Variants in PPP2R5E observed in about 807,000 individuals in gnomAD.
PPP2R5E encodes the protein serine/threonine-protein phosphatase 2A 56 kDa regulatory subunit epsilon isoform.
Under a neutral mutation model 65.3 loss-of-function variants are expected in PPP2R5E, and 4 were observed. That is an observed-to-expected ratio of 0.06 (90% confidence interval 0.03 to 0.14). The LOEUF (loss-of-function observed/expected upper bound fraction) is 0.14. Ranked by LOEUF, PPP2R5E falls within the 10% of genes least tolerant of loss-of-function variation. PPP2R5E has a pLI of 1.00. For missense variants in PPP2R5E, 274 were observed against 556.1 expected (o/e 0.49, Z 5.10); for synonymous variants, 183 against 187.4 (o/e 0.98, Z 0.19).
chr14:63,447,125 G>A (rs1888524292), intron 3 of PPP2R5E, among the ~76,000 whole-genome samples: 1 of 152,130 alleles, frequency 6.6e-6, no homozygotes, highest in Non-Finnish European at 1.5e-5. Flanking sequence ...AATGAGCACT[G>A]GCTTCAACTT....
intron 13 of PPP2R5E, among the ~76,000 whole-genome samples, chr14:63,379,090 G>A (rs1884161485): frequency 6.6e-6 from 1 of 151,218 alleles, no homozygotes; most frequent in East Asian, 2.0e-4. Context: ...GTGCAGTGGT[G>A]TAATCTCGGC....
At chr14:63,413,737 C>T (rs1886532918) in intron 5 of PPP2R5E, among the ~76,000 whole-genome samples, 1 of 152,174 alleles carries the variant, frequency 6.6e-6, no homozygotes, top group Admixed American at 6.5e-5. Flanking sequence ...GCTTCCCTGG[C>T]ATAACAATCC....
At chr14:63,403,903 T>C (rs1451540172) in intron 5 of PPP2R5E, among the ~76,000 whole-genome samples, 3 of 152,182 alleles carry the variant, frequency 2.0e-5, no homozygotes, top group Admixed American at 6.5e-5. Flanking sequence ...TTTTGTGATA[T>C]AACAAATGTA....
intron 3 of PPP2R5E, among the ~76,000 whole-genome samples, chr14:63,430,401 G>GCATACATACATACATGCATACATA (rs1887603795): frequency 1.4e-5 from 2 of 143,738 alleles, no homozygotes; most frequent in African/African-American, 5.6e-5. Context: ...ATACATACAT[G>GCATACATACATACATGCATACATA]CATACATACA....
At chr14:63,393,581 G>T (rs1239502237) in intron 8 of PPP2R5E, among the ~76,000 whole-genome samples, 1 of 152,032 alleles carries the variant, frequency 6.6e-6, no homozygotes, top group Non-Finnish European at 1.5e-5. Flanking sequence ...GCATGGTGGC[G>T]TGCGCTTGTA....
chr14:63,511,194 C>T (rs1892438587), intron 2 of PPP2R5E, among the ~76,000 whole-genome samples: 1 of 152,214 alleles, frequency 6.6e-6, no homozygotes, highest in Non-Finnish European at 1.5e-5. Context: ...CAATAGCAAA[C>T]ATGATGCAGA....
intron 2 of PPP2R5E, among the ~76,000 whole-genome samples, chr14:63,503,283 C>T (rs1891987851): frequency 6.6e-6 from 1 of 152,050 alleles, no homozygotes; most frequent in Non-Finnish European, 1.5e-5. Context: ...GACGAATTTC[C>T]ATCTTAGGAG....
intron 3 of PPP2R5E, among the ~76,000 whole-genome samples, chr14:63,435,217 C>G (rs1264551218): frequency 1.3e-5 from 2 of 151,632 alleles, no homozygotes; most frequent in Non-Finnish European, 2.9e-5. Flanking sequence ...ATCTGTTCTT[C>G]AAATTTTATT....
At chr14:63,504,693 G>T (rs962700691) in intron 2 of PPP2R5E, among the ~76,000 whole-genome samples, 1 of 152,062 alleles carries the variant, frequency 6.6e-6, no homozygotes, top group Non-Finnish European at 1.5e-5. Context: ...GTCTAACTGG[G>T]GAGAGAAAAC....
At chr14:63,430,763 C>T (rs956018777) in intron 3 of PPP2R5E, among the ~76,000 whole-genome samples, 3 of 152,116 alleles carry the variant, frequency 2.0e-5, no homozygotes, top group African/African-American at 2.4e-5. Flanking sequence ...TTTCAATTAC[C>T]GCTTAATTTA....
chr14:63,526,386 T>C (rs1893185713), intron 2 of PPP2R5E, among the ~76,000 whole-genome samples: 1 of 152,192 alleles, frequency 6.6e-6, no homozygotes. Flanking sequence ...TTTGTATATG[T>C]TTTAATGTTG....
intron 2 of PPP2R5E, among the ~76,000 whole-genome samples, chr14:63,513,030 CA>C (rs577040193): frequency 3.9e-5 from 6 of 151,972 alleles, no homozygotes; most frequent in South Asian, 4.2e-4. Context: ...CAACAACAAC[CA>C]AAAAACCCCA....
At chr14:63,388,461 A>T (rs1455802715) in intron 11 of PPP2R5E, among the ~76,000 whole-genome samples, 1 of 152,156 alleles carries the variant, frequency 6.6e-6, no homozygotes, top group African/African-American at 2.4e-5. Flanking sequence ...TTTTAAAAAA[A>T]TACTTGTTCC....
chr14:63,468,388 G>C (rs1889945195), intron 2 of PPP2R5E, among the ~76,000 whole-genome samples: 2 of 152,178 alleles, frequency 1.3e-5, no homozygotes, highest in South Asian at 4.1e-4. Flanking sequence ...ATAATACCCA[G>C]TGAAATAACT....
chr14:63,399,716 T>C (rs1223218087), intron 5 of PPP2R5E, among the ~76,000 whole-genome samples: 5 of 152,162 alleles, frequency 3.3e-5, no homozygotes, highest in Non-Finnish European at 7.3e-5. Flanking sequence ...ACTTGGAAAT[T>C]GGTTTGAATG....
Position 63,470,142 on chromosome 14 carries a change from G to T in PPP2R5E, c.158-16257C>A, listed in dbSNP as rs1298754343. On this transcript the variant is annotated intron_variant, in intron 2 of 13. Transcript: ENST00000337537. ...GCTAGAGTGCAGTGGCACAGTCACA[G>T]CACACTGTAGCCTCGACCTCCCTGG... Among the ~76,000 whole-genome samples the T allele has an allele frequency of 2.0e-5, 3 of 152,006 alleles. No individual in the cohort carries two copies. The East Asian group carries it at 5.8e-4, about 29-fold the overall frequency.
chr14:63,455,662 A>C (rs1889079988), intron 2 of PPP2R5E, among the ~76,000 whole-genome samples: 1 of 152,176 alleles, frequency 6.6e-6, no homozygotes, highest in East Asian at 1.9e-4. Flanking sequence ...AAAATAAATA[A>C]ATAAAAATGA....
At chr14:63,504,619 G>T (rs576335436) in intron 2 of PPP2R5E, among the ~76,000 whole-genome samples, 1 of 152,120 alleles carries the variant, frequency 6.6e-6, no homozygotes, top group Admixed American at 6.5e-5. Flanking sequence ...AGTACTGCTT[G>T]AGAAACTATT....
chr14:63,483,168 TA>T lies in PPP2R5E; in HGVS notation c.158-29284del, dbSNP rs1380232594. Among the ~76,000 whole-genome samples, 18 of 151,974 alleles carry T rather than the reference TA, an allele frequency of 1.2e-4. 1 individual carries two copies. The highest frequency in any genetic ancestry group is 1.2e-3 in the Admixed American group (18 of 15,250). On this transcript the variant is annotated intron_variant, in intron 2 of 13. Transcript: ENST00000337537. ...TTAAAAATATAAATAAAATTTTTTTTAAAAAATCATACAGTATGTTGAAAAC... is the reference window on the plus strand; with the variant it reads ...TTAAAAATATAAATAAAATTTTTTTTAAAAATCATACAGTATGTTGAAAAC...
Sources: gnomAD v4.1 joint callset for allele counts (sites outside exome capture counted in the v4.1 genomes callset) on GRCh38, gnomAD v4.1.1 for gene constraint, MANE v1.5 for transcripts, NCBI Gene and HGNC (gene_info 2026-07-23, HGNC 2026-07-21) for gene names.